The following CLPTM1 variants were observed in gnomAD, a reference collection of about 807,000 sequenced individuals.
CLPTM1 encodes the protein putative lipid scramblase CLPTM1.
Under a neutral mutation model 77.3 loss-of-function variants are expected in CLPTM1, and 21 were observed. That is an observed-to-expected ratio of 0.27 (90% confidence interval 0.19 to 0.39). CLPTM1 has a LOEUF of 0.39. Among genes scored for constraint, CLPTM1 ranks in the 10% least tolerant of loss-of-function variants. CLPTM1 has a pLI of 1.00. For synonymous variants in CLPTM1, 373 were observed against 381.0 expected, an observed-to-expected ratio of 0.98 and a Z score of 0.24; for missense variants, 642 against 921.2, an observed-to-expected ratio of 0.70 and a Z score of 3.92.
At chr19:44,976,471 G>C (rs1476463132) in intron 4 of CLPTM1, among the ~76,000 whole-genome samples, 3 of 152,192 alleles carry the variant, frequency 2.0e-5, no homozygotes, top group Admixed American at 2.0e-4. Flanking sequence ...ACTCCAGCCT[G>C]GGCAACACAG....
intron 5 of CLPTM1, among the ~76,000 whole-genome samples, chr19:44,983,792 C>G (rs762856835): frequency 3.3e-5 from 5 of 151,916 alleles, no homozygotes; most frequent in Non-Finnish European, 5.9e-5. Flanking sequence ...GAAACCCTGT[C>G]TTTACTAAAA....
intron 2 of CLPTM1, among the ~76,000 whole-genome samples, chr19:44,966,234 A>C (rs1042663053): frequency 1.1e-4 from 16 of 152,172 alleles, no homozygotes; most frequent in Non-Finnish European, 2.2e-4. Context: ...ACACAGTGAA[A>C]CTGCATCTCT....
chr19:44,956,450 T>C (rs1452055687), intron 1 of CLPTM1, among the ~76,000 whole-genome samples: 6 of 152,210 alleles, frequency 3.9e-5, no homozygotes, highest in Admixed American at 1.3e-4. Context: ...CAAAAGTCTG[T>C]GTCAGGGACT....
At chr19:44,961,921 G>A (rs755424524) in intron 1 of CLPTM1, 42 bp from the exon 2 acceptor site, 20 of 1,373,312 alleles carry the variant, frequency 1.5e-5, no homozygotes, top group African/African-American at 2.9e-5. Context: ...GACAGCCCCC[G>A]TGTCCATTCT....
chr19:44,955,319 G>T (rs767001569), upstream of CLPTM1: 7 of 1,277,410 alleles, frequency 5.5e-6, no homozygotes, highest in Non-Finnish European at 7.0e-6. Context: ...AGGAAAGCGT[G>T]AAATCTCGCG....
chr19:44,979,727 A>G (rs183631018), intron 5 of CLPTM1, among the ~76,000 whole-genome samples: 4 of 152,188 alleles, frequency 2.6e-5, no homozygotes, highest in African/African-American at 9.6e-5. Flanking sequence ...CTGCGTTGGT[A>G]TGTCCCACCC....
chr19:44,993,234 G>A lies in CLPTM1; in HGVS notation c.*337G>A, dbSNP rs1412275920. On this transcript the variant is annotated 3_prime_UTR_variant, in exon 14 of 14. Coordinates refer to ENST00000337392, the MANE Select transcript of CLPTM1 (RefSeq NM_001294.4). Reference sequence around the variant, plus strand: ...GCCCCCCTACGGGATGCCCACGGCCGTTCATCATCTTGTCCCTCGTCCCCC... The same window carrying A: ...GCCCCCCTACGGGATGCCCACGGCCATTCATCATCTTGTCCCTCGTCCCCC... 18 of 532,522 alleles carry A rather than the reference G, an allele frequency of 3.4e-5. No homozygotes were observed. The highest frequency in any genetic ancestry group is 5.4e-5 in the Non-Finnish European group (15 of 278,482). 33.0% of individuals were successfully genotyped at this position (532,522 alleles called of 1,614,324 possible).
At chr19:44,971,984 C>T (rs1198413875) in intron 2 of CLPTM1, among the ~76,000 whole-genome samples, 4 of 144,626 alleles carry the variant, frequency 2.8e-5, no homozygotes, top group African/African-American at 7.6e-5. Flanking sequence ...GATTCTCCTG[C>T]CTCAGCCTCC....
chr19:44,970,051 CTCTG>C (rs1336346784), intron 2 of CLPTM1, among the ~76,000 whole-genome samples: 1 of 147,346 alleles, frequency 6.8e-6, no homozygotes, highest in Admixed American at 6.7e-5. Context: ...CCTGGCTTAT[CTCTG>C]TCTGTGTCCT....
chr19:44,991,092 C>T lies in CLPTM1; in HGVS notation c.1420-146C>T, dbSNP rs11307468. 6 of 66 alleles carry T rather than the reference C, an allele frequency of 0.091. No individual in the cohort carries two copies. Among genetic ancestry groups the T allele is most frequent in the Non-Finnish European group, 0.14 (6 of 44 alleles). 0.0% of individuals were successfully genotyped at this position (66 alleles called of 1,614,324 possible). On this transcript the variant is annotated intron_variant, in intron 11 of 13. Coordinates refer to ENST00000337392, the MANE Select transcript of CLPTM1 (RefSeq NM_001294.4). This position sits in a 1 kb window ranked among gnomAD's most constrained non-coding sequence, Gnocchi z 5.4. ...TGTCCCCCATCTGCCATAACTGCTT[C>T]CCTGGGCGAGTCCGGAGTCCCCAGG...
intron 1 of CLPTM1, among the ~76,000 whole-genome samples, chr19:44,959,967 G>C (rs1970519517): frequency 6.6e-6 from 1 of 152,166 alleles, no homozygotes; most frequent in Non-Finnish European, 1.5e-5. Flanking sequence ...CTGGGAGTCA[G>C]TCAGATGCAG....
intron 2 of CLPTM1, among the ~76,000 whole-genome samples, chr19:44,966,328 G>A (rs1015473950): frequency 2.6e-5 from 4 of 152,074 alleles, no homozygotes; most frequent in Admixed American, 6.6e-5. Flanking sequence ...GGAGGATGGC[G>A]TGAACCTAGG....
At chr19:44,955,611 C>G (rs1395514968) in intron 1 of CLPTM1, 144 bp downstream of exon 1, 41 of 695,754 alleles carry the variant, frequency 5.9e-5, no homozygotes, top group East Asian at 2.0e-4. Context: ...CAGGCAGGGC[C>G]GGACCGCCCG....
At chr19:44,966,873 G>T (rs1036741696) in intron 2 of CLPTM1, among the ~76,000 whole-genome samples, 3 of 151,012 alleles carry the variant, frequency 2.0e-5, no homozygotes. Flanking sequence ...ACAGAATCTC[G>T]CTCCGTCGCC....
intron 3 of CLPTM1, 152 bp downstream of exon 3, chr19:44,973,362 T>C (rs893208785): frequency 2.5e-5 from 25 of 989,388 alleles, no homozygotes; most frequent in Non-Finnish European, 3.5e-5. Context: ...TCTGGGCCCA[T>C]CCCCAACACG....
Position 44,992,390 on chromosome 19 carries a change from C to T in CLPTM1, c.1713C>T (p.Cys571=). 6.2e-7 allele frequency: 1 copy of T among 1,614,136 alleles called. No individual in the cohort carries two copies. The highest frequency in any genetic ancestry group is 8.5e-7 in the Non-Finnish European group (1 of 1,179,996). Residue 571 remains cysteine, a synonymous_variant, in exon 13 of 14, where the codon TGC becomes TGT. Coordinates refer to ENST00000337392, the MANE Select transcript of CLPTM1 (RefSeq NM_001294.4). This position sits in a 1 kb window ranked among gnomAD's most constrained non-coding sequence, Gnocchi z 7.7. Reference sequence around the variant, plus strand: ...TGCCCGTTATGTACCGGATCGGCTGCCTGCGGGACGGTGAGGCCCGGTGGG... The same window carrying T: ...TGCCCGTTATGTACCGGATCGGCTGTCTGCGGGACGGTGAGGCCCGGTGGG... ...IKMPVMYRIG[C]LRDDVVFFIY... is the part of the protein sequence containing the mutation.
At chr19:44,966,800 A>C (rs1389297910) in intron 2 of CLPTM1, among the ~76,000 whole-genome samples, 1 of 151,944 alleles carries the variant, frequency 6.6e-6, no homozygotes, top group Non-Finnish European at 1.5e-5. Context: ...CGTGGAAAAA[A>C]AAAAAGCCTG....
intron 2 of CLPTM1, among the ~76,000 whole-genome samples, chr19:44,969,187 T>C (rs1970680087): frequency 6.6e-6 from 1 of 152,224 alleles, no homozygotes; most frequent in Admixed American, 6.5e-5. Context: ...GTCAGATGTA[T>C]ATACACGCTA....
upstream of CLPTM1, chr19:44,955,029 A>T (rs1422004581): frequency 1.3e-6 from 2 of 1,535,754 alleles, no homozygotes; most frequent in South Asian, 2.4e-5. Context: ...AAAGGACGCG[A>T]AGAATCGGCA....
Sources: allele counts gnomAD v4.1 joint callset (sites outside exome capture counted in the v4.1 genomes callset), GRCh38; gene constraint gnomAD v4.1.1; non-coding constraint Gnocchi (gnomAD v3.1); transcripts MANE v1.5; gene names NCBI Gene and HGNC (gene_info 2026-07-23, HGNC 2026-07-21).